Variants in KIF26A observed in about 807,000 individuals in gnomAD.
KIF26A encodes the protein kinesin-like protein KIF26A.
A neutral mutation model predicts 126.0 loss-of-function variants in KIF26A; 74 were observed. That is an observed-to-expected ratio of 0.59 (90% confidence interval 0.49 to 0.71). The LOEUF (loss-of-function observed/expected upper bound fraction) is 0.71. Ranked by LOEUF, KIF26A falls within the 30% of genes least tolerant of loss-of-function variation. KIF26A has a pLI of 0.00. For missense variants in KIF26A, 2,984 were observed against 2,763.3 expected (o/e 1.08, Z -1.79); for synonymous variants, 1,445 against 1,232.7 (o/e 1.17, Z -3.61).
intron 4 of KIF26A, among the ~76,000 whole-genome samples, chr14:104,165,095 G>A (rs1187137459): frequency 6.6e-6 from 1 of 151,208 alleles, no homozygotes. Flanking sequence ...GTTTCTATGT[G>A]TGTGTGTCTC....
At position 104,157,992 on chromosome 14, in the gene KIF26A, C is replaced by T. The variant is rs1332681473; in HGVS notation, c.923+50C>T. 4 of 1,448,260 alleles carry T rather than the reference C, an allele frequency of 2.8e-6. No homozygotes were observed. The African/African-American group carries it at 5.9e-5, about 21-fold the overall frequency. The allele number at this position is 1,448,260 out of a possible 1,614,324, so 89.7% of individuals were successfully genotyped here. On this transcript the variant is annotated intron_variant, in intron 4 of 14. Coordinates refer to ENST00000423312, the MANE Select transcript of KIF26A (RefSeq NM_015656.2). ...GCCTTGTGGGCAGGGCCCCATGGCCCCGGCTGTGGGCCCCTGGGGACCTAT... is the reference window on the plus strand; with the variant it reads ...GCCTTGTGGGCAGGGCCCCATGGCCTCGGCTGTGGGCCCCTGGGGACCTAT...
At chr14:104,172,907 G>A (rs2037974179) in intron 7 of KIF26A, 70 bp from the exon 8 acceptor site, 12 of 1,465,168 alleles carry the variant, frequency 8.2e-6, no homozygotes, top group South Asian at 5.7e-5. Flanking sequence ...GTTGGCCCCC[G>A]GGGACGCCAG....
chr14:104,171,739 G>C lies in KIF26A; in HGVS notation c.1130G>C (p.Arg377Pro). ...GSIGKVKVMLRIWPAQGAQRS... is the reference protein window; with the variant it reads ...GSIGKVKVMLPIWPAQGAQRS... ...CTGCCCCAGGTGAAGGTTATGCTGC[G>C]GATCTGGCCCGCACAGGGGGCCCAG... Residue 377 changes from arginine (R) to proline (P), a missense_variant, in exon 6 of 15, where the codon CGG (arginine) becomes CCG (proline). Coordinates refer to ENST00000423312, the MANE Select transcript of KIF26A (RefSeq NM_015656.2). 6.3e-7 allele frequency: 1 copy of C among 1,576,630 alleles called. No homozygotes were observed. The highest frequency in any genetic ancestry group is 1.2e-5 in the South Asian group (1 of 86,006).
At chr14:104,153,186 G>A (rs372678408) in intron 3 of KIF26A, among the ~76,000 whole-genome samples, 6 of 152,136 alleles carry the variant, frequency 3.9e-5, no homozygotes, top group African/African-American at 1.2e-4. Context: ...TGACTGGTGA[G>A]GTGGCCTGTC....
In KIF26A at chr14:104,177,870, C is replaced by T. The variant is rs372188375; in HGVS notation, c.5082C>T (p.Ser1694=). ...CCTCCCCAGGCGCCCGCACCCGCAG[C>T]CTCAAGTCCCCCAAGAAGAGGGCCA... ...GAASPGARTR[S]LKSPKKRATG... is the part of the protein sequence containing the mutation. The change falls in exon 12 of 15, where the codon AGC becomes AGT. Residue 1694 remains serine, a synonymous_variant. Coordinates refer to ENST00000423312, the MANE Select transcript of KIF26A (RefSeq NM_015656.2). The T allele has an allele frequency of 1.3e-5, 20 of 1,550,374 alleles. No individual in the cohort carries two copies. Among genetic ancestry groups the T allele is most frequent in the Non-Finnish European group, 1.6e-5 (19 of 1,155,434 alleles).
intron 6 of KIF26A, among the ~76,000 whole-genome samples, 154 bp from the exon 7 acceptor site, chr14:104,172,421 C>T (rs1214895166): frequency 3.3e-5 from 5 of 152,230 alleles, no homozygotes; most frequent in African/African-American, 7.2e-5. Flanking sequence ...CTGTGCTTTC[C>T]GTGTGCACAT....
intron 3 of KIF26A, among the ~76,000 whole-genome samples, chr14:104,154,408 G>T (rs1040005329): frequency 3.3e-5 from 5 of 152,208 alleles, no homozygotes; most frequent in Non-Finnish European, 5.9e-5. Flanking sequence ...GGTGGCCCAG[G>T]GCTCCCAGGG....
chr14:104,179,395 C>T lies in KIF26A; in HGVS notation c.5467+9C>T, dbSNP rs769045433. 31 of 1,495,684 alleles carry T rather than the reference C, an allele frequency of 2.1e-5. No homozygotes were observed. The highest frequency in any genetic ancestry group is 9.8e-5 in the African/African-American group (7 of 71,480). The allele number at this position is 1,495,684 out of a possible 1,614,324, so 92.7% of individuals were successfully genotyped here. ...CCGCTGGCTGGAGCAGTGTGAGTCC[C>T]GCCCGCCCACGGACCCAGCCCGGCC... On this transcript the variant is annotated intron_variant, in intron 14 of 14. Coordinates refer to ENST00000423312, the MANE Select transcript of KIF26A (RefSeq NM_015656.2).
rs779998965 is a variant in KIF26A, at chr14:104,176,934, G to A, written c.4146G>A (p.Pro1382=). Residue 1382 remains proline (P), a synonymous_variant, in exon 12 of 15, where the codon CCG becomes CCA. Transcript: ENST00000423312. Reference sequence around the variant, plus strand: ...GGAGCAGCCCGGCCTCGGCCCCTCCGCATGCTGTGAACCCGGCGCGGGTCG... The same window carrying A: ...GGAGCAGCCCGGCCTCGGCCCCTCCACATGCTGTGAACCCGGCGCGGGTCG... The part of the protein sequence containing the change: ...EQRSSPASAP[P]HAVNPARVGA... 17 of 1,531,550 alleles carry A rather than the reference G, an allele frequency of 1.1e-5. No homozygotes were observed. The highest frequency in any genetic ancestry group is 2.0e-5 in the Admixed American group (1 of 50,750). The allele number at this position is 1,531,550 out of a possible 1,614,324, so 94.9% of individuals were successfully genotyped here. A position where few individuals can be genotyped will look rare whatever the true frequency, so the allele number is the denominator to read the frequency against.
chr14:104,155,602 C>T (rs1176318195), intron 3 of KIF26A, among the ~76,000 whole-genome samples: 12 of 152,258 alleles, frequency 7.9e-5, no homozygotes, highest in South Asian at 2.1e-4. Context: ...CCCCGGCTCT[C>T]GCTTTGCCAG....
Position 104,171,738 on chromosome 14 carries a change from C to A in KIF26A, c.1129C>A (p.Arg377=). ...GSIGKVKVML[R]IWPAQGAQRS... ...TCTGCCCCAGGTGAAGGTTATGCTG[C>A]GGATCTGGCCCGCACAGGGGGCCCA... Residue 377 remains arginine (R), a synonymous_variant, in exon 6 of 15, where the codon CGG becomes AGG. Transcript: ENST00000423312. 1.9e-6 allele frequency: 3 copies of A among 1,575,966 alleles called. No individual in the cohort carries two copies. Among genetic ancestry groups the A allele is most frequent in the Non-Finnish European group, 2.6e-6 (3 of 1,162,218 alleles).
Position 104,179,229 on chromosome 14 carries a change from C to T in KIF26A, c.5317-7C>T, listed in dbSNP as rs763816460. On this transcript the variant is annotated splice_polypyrimidine_tract_variant and splice_region_variant and intron_variant, in intron 13 of 14. Transcript: ENST00000423312. ...ATGCCTGAGCCCCCGCCCGCCCTGC[C>T]TCCCAGGGTCTGGCGTGCGTCAGTA... 5.5e-6 allele frequency: 8 copies of T among 1,463,886 alleles called. 1 individual carries two copies. In the South Asian group the frequency reaches 8.2e-5, roughly 15 times the overall value. The allele number at this position is 1,463,886 out of a possible 1,614,324, so 90.7% of individuals were successfully genotyped here.
At chr14:104,167,453 C>T (rs188052507) in intron 5 of KIF26A, among the ~76,000 whole-genome samples, 3 of 152,180 alleles carry the variant, frequency 2.0e-5, no homozygotes, top group East Asian at 3.9e-4. Context: ...CGTGTGCAGG[C>T]GGGCCCCTGC....
Position 104,151,045 on chromosome 14 carries a change from C to T in KIF26A, c.289-970C>T, listed in dbSNP as rs1329509582. Among the ~76,000 whole-genome samples the T allele has an allele frequency of 6.6e-6, 1 of 152,182 alleles. No homozygotes were observed. The highest frequency in any genetic ancestry group is 1.5e-5 in the Non-Finnish European group (1 of 68,006). On this transcript the variant is annotated intron_variant, in intron 2 of 14. Coordinates refer to ENST00000423312, the MANE Select transcript of KIF26A (RefSeq NM_015656.2). The surrounding 1 kb of genome is among the most constrained non-coding windows in gnomAD (Gnocchi z 4.9). ...GAGTGGTCCCAAGGAGGGGCAAGGC[C>T]AGAGCCTGGTGGGGTGGTGAGGGAC...
chr14:104,177,913 G>T lies in KIF26A; in HGVS notation c.5110+15G>T. ...GAGGGCCACAGGTGGGTGCAGAGGT[G>T]CACAGCCCTCTACAGTTTACGGGCT... On this transcript the variant is annotated intron_variant, in intron 12 of 14. Coordinates refer to ENST00000423312, the MANE Select transcript of KIF26A (RefSeq NM_015656.2). The T allele has an allele frequency of 1.3e-6, 2 of 1,498,526 alleles. No individual in the cohort carries two copies. The highest frequency in any genetic ancestry group is 8.8e-7 in the Non-Finnish European group (1 of 1,132,672). 92.8% of individuals were successfully genotyped at this position (1,498,526 alleles called of 1,614,324 possible).
At chr14:104,160,820 A>G (rs1323274788) in intron 4 of KIF26A, among the ~76,000 whole-genome samples, 1 of 152,214 alleles carries the variant, frequency 6.6e-6, no homozygotes, top group Non-Finnish European at 1.5e-5. Flanking sequence ...GTCCCCTCCA[A>G]GACCCCAAAT....
intron 4 of KIF26A, among the ~76,000 whole-genome samples, chr14:104,159,371 C>T (rs898724144): frequency 6.6e-5 from 10 of 152,244 alleles, no homozygotes; most frequent in African/African-American, 2.4e-4. Context: ...GGATTTGAAA[C>T]GTGGAGACTT....
chr14:104,138,714 GC>G lies in KIF26A; in HGVS notation c.-5del. 2 of 1,266,130 alleles carry G rather than the reference GC, an allele frequency of 1.6e-6. No individual in the cohort carries two copies. Among genetic ancestry groups the G allele is most frequent in the Admixed American group, 4.1e-5 (1 of 24,380 alleles). The allele number at this position is 1,266,130 out of a possible 1,614,324, so 78.4% of individuals were successfully genotyped here. A position where few individuals can be genotyped will look rare whatever the true frequency, so the allele number is the denominator to read the frequency against. On this transcript the variant is annotated 5_prime_UTR_variant, in exon 1 of 15. Transcript: ENST00000423312. Reference sequence around the variant, plus strand: ...GGAGCGCCTGCCGGGCTCTTCCCGCGCCCCGGCCATGGTCGGCCGCGGCGTC... The same window carrying G: ...GGAGCGCCTGCCGGGCTCTTCCCGCGCCCGGCCATGGTCGGCCGCGGCGTC...
At chr14:104,138,798 C>G in intron 1 of KIF26A, 34 bp downstream of exon 1, 1 of 1,258,622 alleles carries the variant, frequency 7.9e-7, no homozygotes, top group Non-Finnish European at 1.0e-6. Flanking sequence ...GGGAGGCGGG[C>G]GGCGGGGGCC....
Sources: allele counts gnomAD v4.1 joint callset (sites outside exome capture counted in the v4.1 genomes callset), GRCh38; gene constraint gnomAD v4.1.1; non-coding constraint Gnocchi (gnomAD v3.1); transcripts MANE v1.5; gene names NCBI Gene and HGNC (gene_info 2026-07-23, HGNC 2026-07-21).